Variants in LINGO2 observed in about 807,000 individuals in gnomAD.
LINGO2 encodes leucine rich repeat and Ig domain containing 2.
LINGO2 carries 14 observed loss-of-function variants against 30.6 expected under a neutral mutation model. The ratio of observed to expected loss-of-function variants is 0.46; its 90% CI spans 0.30 to 0.72. The LOEUF is 0.72. LINGO2 is among the 30% of genes least tolerant of loss of function. LINGO2 has a pLI of 0.07. For missense variants in LINGO2, 729 were observed against 751.7 expected (o/e 0.97, Z 0.35); for synonymous variants, 317 against 288.5 (o/e 1.10, Z -1.00).
chr9:29,164,916 C>A, the LINGO2 span, among the ~76,000 whole-genome samples: 1 of 152,148 alleles, frequency 6.6e-6, no homozygotes, highest in Middle Eastern at 3.4e-3. Context: ...GTATTTTAAT[C>A]AATATTATCT....
chr9:28,136,808 G>C (rs1250632680), intron 4 of LINGO2, among the ~76,000 whole-genome samples: 2 of 152,034 alleles, frequency 1.3e-5, no homozygotes, highest in African/African-American at 4.8e-5. Context: ...TGTTCGTGAG[G>C]GTGTTTCTGG....
intron 4 of LINGO2, among the ~76,000 whole-genome samples, chr9:28,234,008 C>T (rs1418134432): frequency 6.6e-6 from 1 of 152,132 alleles, no homozygotes; most frequent in East Asian, 1.9e-4. Context: ...CACATTCCCA[C>T]CTATGGTGGC....
the LINGO2 span, among the ~76,000 whole-genome samples, chr9:29,078,013 T>C: frequency 1.3e-5 from 2 of 152,070 alleles, no homozygotes; most frequent in East Asian, 3.9e-4. Context: ...GAGGATTACA[T>C]GTGCATGGGA....
At chr9:28,285,252 CTT>C (rs1823464528) in intron 4 of LINGO2, among the ~76,000 whole-genome samples, 1 of 151,952 alleles carries the variant, frequency 6.6e-6, no homozygotes, top group Non-Finnish European at 1.5e-5. Flanking sequence ...ATCACAGTAA[CTT>C]ATATATAATG....
At chr9:28,174,867 T>TG (rs1196021780) in intron 4 of LINGO2, among the ~76,000 whole-genome samples, 2 of 148,450 alleles carry the variant, frequency 1.3e-5, no homozygotes, top group African/African-American at 5.0e-5. Context: ...TTCTTAGAGA[T>TG]GGGGGAGAGA....
chr9:29,053,642 C>A, the LINGO2 span, among the ~76,000 whole-genome samples: 3 of 152,160 alleles, frequency 2.0e-5, no homozygotes, highest in Admixed American at 1.3e-4. Context: ...ACATCACTTT[C>A]TTTAATTCAG....
At chr9:28,107,593 G>C (rs1412663739) in intron 4 of LINGO2, among the ~76,000 whole-genome samples, 3 of 152,048 alleles carry the variant, frequency 2.0e-5, no homozygotes, top group Non-Finnish European at 4.4e-5. Context: ...AGTTCCAATA[G>C]TTGTACATTT....
intron 1 of LINGO2, among the ~76,000 whole-genome samples, chr9:28,617,530 C>T (rs545063961): frequency 2.6e-5 from 4 of 152,070 alleles, no homozygotes; most frequent in Admixed American, 2.0e-4. Context: ...CTCCTGACCT[C>T]GTGATCCGCC....
chr9:28,562,339 G>T (rs775747075), intron 1 of LINGO2, among the ~76,000 whole-genome samples: 1 of 150,006 alleles, frequency 6.7e-6, no homozygotes, highest in East Asian at 2.0e-4. Flanking sequence ...TTTCCTGACC[G>T]CCAGTTTCAC....
chr9:29,100,064 C>T, the LINGO2 span, among the ~76,000 whole-genome samples: 2 of 152,284 alleles, frequency 1.3e-5, no homozygotes, highest in East Asian at 1.9e-4. Flanking sequence ...GAGTGAGATC[C>T]TGTCATTTGC....
chr9:28,458,174 C>T (rs1455134022), intron 2 of LINGO2, among the ~76,000 whole-genome samples: 1 of 152,178 alleles, frequency 6.6e-6, no homozygotes, highest in Non-Finnish European at 1.5e-5. Context: ...AGCCACATGT[C>T]ATATGTCTCA....
chr9:28,107,487 G>A (rs917373455), intron 4 of LINGO2, among the ~76,000 whole-genome samples: 5 of 151,942 alleles, frequency 3.3e-5, no homozygotes, highest in Non-Finnish European at 7.4e-5. Context: ...ACACTCTAAG[G>A]TTTCTTCTAC....
At chr9:28,670,925 T>A (rs1329024997), upstream of LINGO2, among the ~76,000 whole-genome samples, 1 of 152,126 alleles carries the variant, frequency 6.6e-6, no homozygotes, top group African/African-American at 2.4e-5. Context: ...ATATACAGTA[T>A]AAAATTATAT....
At chr9:28,016,464 T>C (rs1822842963) in intron 4 of LINGO2, among the ~76,000 whole-genome samples, 1 of 152,152 alleles carries the variant, frequency 6.6e-6, no homozygotes, top group African/African-American at 2.4e-5. Context: ...CTGACAAATA[T>C]GACATTTCAA....
the LINGO2 span, among the ~76,000 whole-genome samples, chr9:28,783,400 A>G: frequency 6.6e-6 from 1 of 152,030 alleles, no homozygotes; most frequent in South Asian, 2.1e-4. Flanking sequence ...ATATTTTTAA[A>G]TTTTATTATT....
At chr9:28,071,825 A>G (rs1462281655) in intron 4 of LINGO2, among the ~76,000 whole-genome samples, 4 of 152,158 alleles carry the variant, frequency 2.6e-5, no homozygotes, top group African/African-American at 9.6e-5. Context: ...AAATATTGAT[A>G]TAAAATATAT....
At chr9:28,324,290 C>T (rs944422253) in intron 3 of LINGO2, among the ~76,000 whole-genome samples, 4 of 152,158 alleles carry the variant, frequency 2.6e-5, no homozygotes, top group Admixed American at 2.6e-4. Flanking sequence ...TCAAGCCCCA[C>T]AAACCTGCAT....
the LINGO2 span, among the ~76,000 whole-genome samples, chr9:28,771,705 T>G: frequency 6.6e-6 from 1 of 152,130 alleles, no homozygotes; most frequent in Non-Finnish European, 1.5e-5. Context: ...CAATCATGCA[T>G]TTAAAGTGAT....
chr9:29,136,028 G>GA, the LINGO2 span, among the ~76,000 whole-genome samples: 1 of 152,106 alleles, frequency 6.6e-6, no homozygotes, highest in Non-Finnish European at 1.5e-5. Flanking sequence ...GCTCACTACT[G>GA]AAACAAATCT....
Sources: gnomAD v4.1 joint callset for allele counts (sites outside exome capture counted in the v4.1 genomes callset) on GRCh38, gnomAD v4.1.1 for gene constraint, MANE v1.5 for transcripts, NCBI Gene and HGNC (gene_info 2026-07-23, HGNC 2026-07-21) for gene names.